The following CNTNAP2 variants were observed in gnomAD, a reference collection of about 807,000 sequenced individuals.
CNTNAP2 encodes contactin associated protein 2, also known as contactin-associated protein-like 2.
CNTNAP2 carries 98 observed loss-of-function variants against 155.2 expected under a neutral mutation model. That is an observed-to-expected ratio of 0.63 (90% confidence interval 0.54 to 0.75). The LOEUF is 0.75. Among genes scored for constraint, CNTNAP2 ranks in the 30% least tolerant of loss-of-function variants. The pLI, the probability that CNTNAP2 is intolerant of heterozygous loss-of-function variation, is 0.00. For synonymous variants in CNTNAP2, 651 were observed against 631.2 expected, an observed-to-expected ratio of 1.03 and a Z score of -0.47; for missense variants, 1,727 against 1,688.1, an observed-to-expected ratio of 1.02 and a Z score of -0.40.
At chr7:148,354,313 G>T (rs2116604078) in intron 21 of CNTNAP2, among the ~76,000 whole-genome samples, 1 of 145,452 alleles carries the variant, frequency 6.9e-6, no homozygotes, top group Admixed American at 7.3e-5. Flanking sequence ...ACATTTTTCT[G>T]GTTCCTCCTG....
chr7:148,323,881 ATTTTT>A (rs35049282), intron 21 of CNTNAP2, among the ~76,000 whole-genome samples: 2 of 102,592 alleles, frequency 1.9e-5, no homozygotes, highest in Admixed American at 1.1e-4. Context: ...CTGAAGCCCC[ATTTTT>A]TTTTTTTTTT....
chr7:147,395,059 TAA>T (rs905118367), intron 9 of CNTNAP2, among the ~76,000 whole-genome samples: 17 of 151,726 alleles, frequency 1.1e-4, no homozygotes, highest in African/African-American at 3.9e-4. Context: ...TTTTATAAAT[TAA>T]AAAAAGGCAT....
At chr7:146,405,764 C>A (rs1028187600) in intron 1 of CNTNAP2, among the ~76,000 whole-genome samples, 1 of 152,164 alleles carries the variant, frequency 6.6e-6, no homozygotes, top group African/African-American at 2.4e-5. Context: ...TCACCAAAAT[C>A]ATTTTAACAT....
intron 12 of CNTNAP2, among the ~76,000 whole-genome samples, chr7:147,576,213 G>A (rs909845715): frequency 6.6e-6 from 1 of 152,016 alleles, no homozygotes; most frequent in Non-Finnish European, 1.5e-5. Context: ...TCTGGTATAT[G>A]TCAGCACTAC....
chr7:148,026,438 A>G (rs1397092490), intron 15 of CNTNAP2, among the ~76,000 whole-genome samples: 1 of 152,120 alleles, frequency 6.6e-6, no homozygotes, highest in Non-Finnish European at 1.5e-5. Flanking sequence ...GTGACAGAAC[A>G]AGACCCCGTC....
At chr7:147,080,940 CAT>C (rs1359600877) in intron 4 of CNTNAP2, 1 of 151,908 alleles carries the variant, frequency 6.6e-6, no homozygotes, top group Non-Finnish European at 1.5e-5. Context: ...AAAATTCACA[CAT>C]AATATTGTTT....
At position 146,255,730 on chromosome 7, in the gene CNTNAP2, C is replaced by T. The variant is rs368182432; in HGVS notation, c.97+138757C>T. On this transcript the variant is annotated intron_variant, in intron 1 of 23. Coordinates refer to ENST00000361727, the MANE Select transcript of CNTNAP2 (RefSeq NM_014141.6). The stretch of plus-strand genomic sequence containing the variant: ...GTATAATTAGACAGAGAGACAAAGC[C>T]GCAAATGTGACTTAACTTGGGCACA... Among the ~76,000 whole-genome samples the T allele has an allele frequency of 5.9e-5, 9 of 152,196 alleles. No individual in the cohort carries two copies. The East Asian group carries it at 7.7e-4, about 13-fold the overall frequency.
At chr7:146,380,533 T>C (rs974336206) in intron 1 of CNTNAP2, among the ~76,000 whole-genome samples, 2 of 152,126 alleles carry the variant, frequency 1.3e-5, no homozygotes, top group African/African-American at 2.4e-5. Context: ...TTGAAGATCT[T>C]GGCCATCATA....
intron 19 of CNTNAP2, among the ~76,000 whole-genome samples, chr7:148,224,236 C>T (rs940860349): frequency 1.3e-5 from 2 of 152,176 alleles, no homozygotes; most frequent in South Asian, 4.1e-4. Context: ...CTAAGACAAT[C>T]AACGTGTTTT....
intron 15 of CNTNAP2, among the ~76,000 whole-genome samples, chr7:148,010,582 C>T (rs1802060866): frequency 6.6e-6 from 1 of 151,546 alleles, no homozygotes; most frequent in South Asian, 2.1e-4. Context: ...GACACATATA[C>T]AACCAAATTT....
chr7:147,526,555 C>T (rs561449955), intron 11 of CNTNAP2, among the ~76,000 whole-genome samples: 1 of 152,238 alleles, frequency 6.6e-6, no homozygotes, highest in East Asian at 1.9e-4. Context: ...GTGCTCATTG[C>T]TTGAAGGAAT....
intron 12 of CNTNAP2, among the ~76,000 whole-genome samples, chr7:147,602,965 T>C (rs541755154): frequency 6.6e-6 from 1 of 152,316 alleles, no homozygotes; most frequent in South Asian, 2.1e-4. Context: ...TGCATGTATG[T>C]AGCAGCATGA....
chr7:147,912,483 G>A (rs979305410), intron 14 of CNTNAP2, among the ~76,000 whole-genome samples: 1 of 152,148 alleles, frequency 6.6e-6, no homozygotes, highest in African/African-American at 2.4e-5. Context: ...TGGAGAGATG[G>A]AGAGGGCCCC....
chr7:146,978,730 C>T (rs370505703), intron 3 of CNTNAP2, among the ~76,000 whole-genome samples: 1 of 151,108 alleles, frequency 6.6e-6, no homozygotes, highest in Non-Finnish European at 1.5e-5. Flanking sequence ...ATTTAACTCT[C>T]CTCTTGCTAC....
chr7:146,947,450 A>G (rs1447895640), intron 3 of CNTNAP2, among the ~76,000 whole-genome samples: 2 of 130,456 alleles, frequency 1.5e-5, no homozygotes, highest in African/African-American at 5.8e-5. Context: ...ACACACACAT[A>G]TATCTTTCTA....
chr7:147,478,653 G>C (rs776218757), intron 10 of CNTNAP2, among the ~76,000 whole-genome samples: 4 of 152,070 alleles, frequency 2.6e-5, no homozygotes, highest in Non-Finnish European at 2.9e-5. Context: ...GATTGGGAAG[G>C]ACAAAAAAGG....
intron 19 of CNTNAP2, among the ~76,000 whole-genome samples, chr7:148,226,605 A>G (rs1795854419): frequency 6.7e-6 from 1 of 148,472 alleles, no homozygotes; most frequent in East Asian, 2.0e-4. Flanking sequence ...CGGGTATATG[A>G]CCTTCCTCTA....
chr7:147,470,428 T>C (rs201758192), intron 10 of CNTNAP2, among the ~76,000 whole-genome samples: 2 of 151,984 alleles, frequency 1.3e-5, no homozygotes, highest in East Asian at 3.9e-4. Flanking sequence ...GTAGAGATGG[T>C]AGCTACAATA....
chr7:147,110,706 C>T (rs1401622410), intron 5 of CNTNAP2, among the ~76,000 whole-genome samples: 1 of 152,188 alleles, frequency 6.6e-6, no homozygotes, highest in Non-Finnish European at 1.5e-5. Flanking sequence ...GACAGGATCT[C>T]ATTCCTTTTT....
Sources: gnomAD v4.1 joint callset for allele counts (sites outside exome capture counted in the v4.1 genomes callset) on GRCh38, gnomAD v4.1.1 for gene constraint, MANE v1.5 for transcripts, NCBI Gene and HGNC (gene_info 2026-07-23, HGNC 2026-07-21) for gene names.